ATP2A3: variants seen among roughly 807,000 people sequenced by gnomAD.
ATP2A3 encodes the protein ATPase sarcoplasmic/endoplasmic reticulum Ca2+ transporting 3.
A neutral mutation model predicts 106.8 loss-of-function variants in ATP2A3; 61 were observed. The observed-to-expected ratio is 0.57, with a 90% CI of 0.46 to 0.71. The LOEUF (loss-of-function observed/expected upper bound fraction) is 0.71. Ranked by LOEUF, ATP2A3 falls within the 30% of genes least tolerant of loss-of-function variation. The pLI is 0.00. For missense variants in ATP2A3, 1,201 were observed against 1,423.5 expected, an observed-to-expected ratio of 0.84 and a Z score of 2.52; for synonymous variants, 611 against 609.3, an observed-to-expected ratio of 1.00 and a Z score of -0.04.
At chr17:3,943,634 C>T in intron 10 of ATP2A3, 112 bp from the exon 11 acceptor site, 2 of 1,537,452 alleles carry the variant, frequency 1.3e-6, no homozygotes, top group Non-Finnish European at 1.8e-6. Flanking sequence ...TCCGTGTAAC[C>T]TCCTTTGCAC....
rs949935789 is a variant in ATP2A3, at chr17:3,929,077, G to C, written c.2862+251C>G. 1.2e-4 allele frequency among the ~76,000 whole-genome samples: 18 copies of C among 152,138 alleles called. No homozygotes were observed. Among genetic ancestry groups the C allele is most frequent in the Admixed American group, 3.3e-4 (5 of 15,272 alleles). On this transcript the variant is annotated intron_variant, in intron 19 of 20. Transcript: ENST00000397041. The surrounding 1 kb of genome is among the most constrained non-coding windows in gnomAD (Gnocchi z 4.3). ...TTGGGAGGCGGGAGGATTCTGCCCT[G>C]GGAAAGCTCGTCCTTCCTCCCACCC...
chr17:3,924,014 C>G lies in ATP2A3; in HGVS notation c.*1408G>C, dbSNP rs913504907. The stretch of plus-strand genomic sequence containing the variant: ...TGCAGGCACCAGACTCCCTGCCTCC[C>G]CCACTGCGTTTCTCTCACTGGCCGC... On this transcript the variant is annotated 3_prime_UTR_variant, in exon 21 of 21. Transcript: ENST00000397041. The surrounding 1 kb of genome is among the most constrained non-coding windows in gnomAD (Gnocchi z 6.4). 3 of 152,312 alleles carry G rather than the reference C, an allele frequency of 2.0e-5. No homozygotes were observed. The highest frequency in any genetic ancestry group is 6.5e-5 in the Admixed American group (1 of 15,286). 9.4% of individuals were successfully genotyped at this position (152,312 alleles called of 1,614,324 possible).
rs563133923 is a variant in ATP2A3, at chr17:3,944,891, C to T, written c.1185-85G>A. ...TCTTGGCCCCGCCCCTAGGAGGGGG[C>T]TCCGCCTCTTGGCCCCGCCCCCAGA... On this transcript the variant is annotated intron_variant, in intron 9 of 20. Coordinates refer to ENST00000397041, the MANE Select transcript of ATP2A3 (RefSeq NM_005173.4). The T allele has an allele frequency of 1.5e-3, 1,287 of 862,560 alleles. 5 individuals carry two copies. The highest frequency in any genetic ancestry group is 2.0e-3 in the Non-Finnish European group (1,202 of 604,048). The allele number at this position is 862,560 out of a possible 1,614,324, so 53.4% of individuals were successfully genotyped here. A position where few individuals can be genotyped will look rare whatever the true frequency, so the allele number is the denominator to read the frequency against.
chr17:3,938,920 C>T (rs1032821878), intron 14 of ATP2A3, among the ~76,000 whole-genome samples: 1 of 151,348 alleles, frequency 6.6e-6, no homozygotes, highest in African/African-American at 2.4e-5. Flanking sequence ...GTAATCCTAG[C>T]ACTTTAGGAG....
chr17:3,940,031 C>CTTTATTTTTTTTT (rs2053659936), intron 14 of ATP2A3, among the ~76,000 whole-genome samples: 1 of 96,546 alleles, frequency 1.0e-5, no homozygotes, highest in African/African-American at 4.7e-5. Flanking sequence ...TGTGTCATAT[C>CTTTATTTTTTTTT]TTTTTTTTTT....
In ATP2A3 at chr17:3,953,604, T is replaced by C. The variant is rs2054581845; in HGVS notation, c.136+89A>G. On this transcript the variant is annotated intron_variant, in intron 2 of 20. Coordinates refer to ENST00000397041, the MANE Select transcript of ATP2A3 (RefSeq NM_005173.4). The surrounding 1 kb of genome is among the most constrained non-coding windows in gnomAD (Gnocchi z 5.1). ...CCTGGGGAGCTCAGCAAGGCCTCAC[T>C]CAGCGGGGAGAAGGAAGTCATGACC... 6.5e-7 allele frequency: 1 copy of C among 1,539,428 alleles called. No individual in the cohort carries two copies. The highest frequency in any genetic ancestry group is 8.8e-7 in the Non-Finnish European group (1 of 1,134,660).
Position 3,941,171 on chromosome 17 carries a change from C to T in ATP2A3, c.1900G>A (p.Ala634Thr), listed in dbSNP as rs2053746434. ...ITGDNKGTAVAICRRLGIFGD... is the reference protein window; with the variant it reads ...ITGDNKGTAVTICRRLGIFGD... ...AAGATGCCAAGCCTGCGGCAGATGG[C>T]CACGGCAGTGCCTTTGTTATCCCCC... The change falls in exon 14 of 21, where the codon GCC (alanine) becomes ACC (threonine). Residue 634 changes from alanine to threonine, a missense_variant. Around this residue, in one of 2 missense-constraint regions of ATP2A3, gnomAD observed 935 missense variants for 1,176.7 expected, o/e 0.79. Coordinates refer to ENST00000397041, the MANE Select transcript of ATP2A3 (RefSeq NM_005173.4). 1 of 1,614,132 alleles carries T rather than the reference C, an allele frequency of 6.2e-7. No individual in the cohort carries two copies. Among genetic ancestry groups the T allele is most frequent in the Non-Finnish European group, 8.5e-7 (1 of 1,180,022 alleles).
rs761467864 is a variant in ATP2A3 at position 3,955,299 on chromosome 17, G to A, written c.119-1589C>T. On this transcript the variant is annotated intron_variant, in intron 1 of 20. Coordinates refer to ENST00000397041, the MANE Select transcript of ATP2A3 (RefSeq NM_005173.4). The surrounding 1 kb of genome is among the most constrained non-coding windows in gnomAD (Gnocchi z 4.2). ...TTTTCCTACGGGAGCCCTCTCCCCG[G>A]ACCACCTGTTTGGAAGCTTTGGGGT... Among the ~76,000 whole-genome samples, 1 of 152,116 alleles carries A rather than the reference G, an allele frequency of 6.6e-6. No individual in the cohort carries two copies. The highest frequency in any genetic ancestry group is 6.5e-5 in the Admixed American group (1 of 15,268).
chr17:3,953,550 C>A lies in ATP2A3; in HGVS notation c.137-121G>T. Reference sequence around the variant, plus strand: ...CCCTGCACTCAGAAGAGGGAGAACCCAGGTCGCTGAGAGGCTCAGGTGGGT... The same window carrying A: ...CCCTGCACTCAGAAGAGGGAGAACCAAGGTCGCTGAGAGGCTCAGGTGGGT... On this transcript the variant is annotated intron_variant, in intron 2 of 20. Coordinates refer to ENST00000397041, the MANE Select transcript of ATP2A3 (RefSeq NM_005173.4). This position sits in a 1 kb window ranked among gnomAD's most constrained non-coding sequence, Gnocchi z 5.1. 6.7e-7 allele frequency: 1 copy of A among 1,491,650 alleles called. No homozygotes were observed. The highest frequency in any genetic ancestry group is 9.2e-7 in the Non-Finnish European group (1 of 1,085,492). The allele number at this position is 1,491,650 out of a possible 1,614,324, so 92.4% of individuals were successfully genotyped here. A position where few individuals can be genotyped will look rare whatever the true frequency, so the allele number is the denominator to read the frequency against.
intron 1 of ATP2A3, among the ~76,000 whole-genome samples, chr17:3,954,748 G>T (rs911505743): frequency 3.3e-5 from 5 of 152,014 alleles, no homozygotes; most frequent in Non-Finnish European, 5.9e-5. Context: ...GCCCGCCTCG[G>T]CCTCCCAAAG....
At chr17:3,944,600 T>C in intron 10 of ATP2A3, 104 bp downstream of exon 10, 2 of 1,219,574 alleles carry the variant, frequency 1.6e-6, no homozygotes, top group Non-Finnish European at 2.4e-6. Flanking sequence ...GTGTGGCACT[T>C]CCAGGGAGCA....
chr17:3,944,866 TCTTGGCCCCGCCCCTAGGAGGGGGCTCCG>T lies in ATP2A3; in HGVS notation c.1185-89_1185-61del, dbSNP rs1567703040. 58 of 929,510 alleles carry T rather than the reference TCTTGGCCCCGCCCCTAGGAGGGGGCTCCG, an allele frequency of 6.2e-5. No homozygotes were observed. In the African/African-American group the frequency reaches 7.1e-4, roughly 11 times the overall value. 57.6% of individuals were successfully genotyped at this position (929,510 alleles called of 1,614,324 possible). A position where few individuals can be genotyped will look rare whatever the true frequency, so the allele number is the denominator to read the frequency against. Reference sequence around the variant, plus strand: ...GCTCCGCCCCCGAGAGGGGTCCGCCTCTTGGCCCCGCCCCTAGGAGGGGGCTCCGCCTCTTGGCCCCGCCCCCAGAAGGG... The same window carrying T: ...GCTCCGCCCCCGAGAGGGGTCCGCCTCCTCTTGGCCCCGCCCCCAGAAGGG... On this transcript the variant is annotated intron_variant, in intron 9 of 20. Coordinates refer to ENST00000397041, the MANE Select transcript of ATP2A3 (RefSeq NM_005173.4).
intron 1 of ATP2A3, among the ~76,000 whole-genome samples, chr17:3,958,823 C>CATAT (rs948134504): frequency 1.0e-5 from 1 of 95,508 alleles, no homozygotes; most frequent in Non-Finnish European, 2.0e-5. Flanking sequence ...TATATACACA[C>CATAT]ATATATATAC....
chr17:3,962,823 G>A (rs2055212811), intron 1 of ATP2A3, among the ~76,000 whole-genome samples: 1 of 152,198 alleles, frequency 6.6e-6, no homozygotes, highest in South Asian at 2.1e-4. Flanking sequence ...TCCCAAGCTG[G>A]AGGCTATAGC....
In ATP2A3 at chr17:3,924,882, C is replaced by G; in HGVS notation, c.*540G>C. ...AGAGTGGAGTGGAGGGGGCTGCCCA[C>G]CCTCGCTGTACACAGCTGGGCCCAG... On this transcript the variant is annotated 3_prime_UTR_variant, in exon 21 of 21. Transcript: ENST00000397041. The surrounding 1 kb of genome is among the most constrained non-coding windows in gnomAD (Gnocchi z 6.4). 2.2e-6 allele frequency: 1 copy of G among 456,790 alleles called. No homozygotes were observed. The highest frequency in any genetic ancestry group is 4.4e-6 in the Non-Finnish European group (1 of 227,114). The allele number at this position is 456,790 out of a possible 1,614,324, so 28.3% of individuals were successfully genotyped here. A position where few individuals can be genotyped will look rare whatever the true frequency, so the allele number is the denominator to read the frequency against.
At chr17:3,952,193 T>G (rs938301809) in intron 3 of ATP2A3, among the ~76,000 whole-genome samples, 1 of 152,116 alleles carries the variant, frequency 6.6e-6, no homozygotes, top group Non-Finnish European at 1.5e-5. Context: ...CAAGCAATTC[T>G]CATGCCTCAG....
chr17:3,953,401 T>C lies in ATP2A3; in HGVS notation c.165A>G (p.Glu55=), dbSNP rs2144676886. 6.2e-7 allele frequency: 1 copy of C among 1,613,944 alleles called. No homozygotes were observed. Among genetic ancestry groups the C allele is most frequent in the Non-Finnish European group, 8.5e-7 (1 of 1,179,978 alleles). ...EGKSLWELVL[E]QFEDLLVRIL... ...TGCGCACCAGGAGGTCCTCAAACTGTTCCAGCACCAGCTCCCACAGGGACT... is the reference window on the plus strand; with the variant it reads ...TGCGCACCAGGAGGTCCTCAAACTGCTCCAGCACCAGCTCCCACAGGGACT... Residue 55 remains glutamate, a synonymous_variant, in exon 3 of 21, where the codon GAA becomes GAG. Transcript: ENST00000397041. The surrounding 1 kb of genome is among the most constrained non-coding windows in gnomAD (Gnocchi z 5.1).
In ATP2A3 at chr17:3,951,674, C is replaced by A. The variant is rs17846878; in HGVS notation, c.231G>T (p.Trp77Cys). 6.2e-7 allele frequency: 1 copy of A among 1,608,842 alleles called. No homozygotes were observed. Among genetic ancestry groups the A allele is most frequent in the Admixed American group, 1.7e-5 (1 of 59,598 alleles). The part of the protein sequence containing the change: ...LAALVSFVLA[W>C]FEEGEETTTA... ...TCGTGGTCTCCTCGCCCTCCTCGAA[C>A]CAGGCCAGGACCTGCAGGATCACAG... Residue 77 changes from tryptophan (W) to cysteine (C), a missense_variant, in exon 4 of 21, where the codon TGG (tryptophan) becomes TGT (cysteine). Transcript: ENST00000397041.
Position 3,928,075 on chromosome 17 carries a change from C to T in ATP2A3, c.2980+588G>A. The T allele has an allele frequency of 1.2e-6, 2 of 1,613,522 alleles. No individual in the cohort carries two copies. Among genetic ancestry groups the T allele is most frequent in the Non-Finnish European group, 1.7e-6 (2 of 1,179,554 alleles). On this transcript the variant is annotated intron_variant, in intron 20 of 20. Transcript: ENST00000397041. This position sits in a 1 kb window ranked among gnomAD's most constrained non-coding sequence, Gnocchi z 6.1. ...AGAATCACCCACTCTCAGAGCCCAC[C>T]TGGCAGAGGCAGGTGGATGGACCCC...
Sources: allele counts gnomAD v4.1 joint callset (sites outside exome capture counted in the v4.1 genomes callset), GRCh38; gene constraint gnomAD v4.1.1; regional missense constraint gnomAD v4.1.1; non-coding constraint Gnocchi (gnomAD v3.1); transcripts MANE v1.5; gene names NCBI Gene and HGNC (gene_info 2026-07-23, HGNC 2026-07-21).